Variants in NMNAT2 observed in about 807,000 individuals in gnomAD.
NMNAT2 encodes nicotinamide nucleotide adenylyltransferase 2.
NMNAT2 carries 11 observed loss-of-function variants against 41.6 expected under a neutral mutation model. The observed-to-expected ratio is 0.26, with a 90% CI of 0.17 to 0.44. The LOEUF (loss-of-function observed/expected upper bound fraction) is 0.44, where lower values mean the gene tolerates loss of function less well. Among genes scored for constraint, NMNAT2 ranks in the 20% least tolerant of loss-of-function variants. The pLI, the probability that NMNAT2 is intolerant of heterozygous loss-of-function variation, is 1.00. For synonymous variants in NMNAT2, 148 were observed against 151.2 expected (o/e 0.98, Z 0.16); for missense variants, 288 against 407.7 (o/e 0.71, Z 2.53).
At chr1:183,349,541 A>G (rs1389750672) in intron 1 of NMNAT2, among the ~76,000 whole-genome samples, 1 of 152,278 alleles carries the variant, frequency 6.6e-6, no homozygotes, top group Non-Finnish European at 1.5e-5. Flanking sequence ...TGCATTTTAC[A>G]GTCTGTTTAA....
At chr1:183,300,420 A>AG (rs1405109278) in intron 1 of NMNAT2, among the ~76,000 whole-genome samples, 1 of 151,034 alleles carries the variant, frequency 6.6e-6, no homozygotes, top group Non-Finnish European at 1.5e-5. Context: ...AAAAAAAGAA[A>AG]AAAAAAAAAA....
At chr1:183,297,036 C>T (rs889694300) in intron 1 of NMNAT2, among the ~76,000 whole-genome samples, 3 of 151,544 alleles carry the variant, frequency 2.0e-5, no homozygotes, top group African/African-American at 4.9e-5. Context: ...AACTTCTTTA[C>T]TCTCCCTGTC....
chr1:183,373,904 C>T (rs1282868499), intron 1 of NMNAT2, among the ~76,000 whole-genome samples: 3 of 152,202 alleles, frequency 2.0e-5, no homozygotes, highest in Non-Finnish European at 4.4e-5. Flanking sequence ...AGGCATGAGC[C>T]ACTGCGCCTG....
Position 183,251,831 on chromosome 1 carries a change from G to A in NMNAT2, c.*810C>T, listed in dbSNP as rs201395629. ...ACTCGTGTCCCAGGTTTCAGAACCC[G>A]AAAATCTCACTCCTGATCAAAGGTT... On this transcript the variant is annotated 3_prime_UTR_variant, in exon 11 of 11. Coordinates refer to ENST00000287713, the MANE Select transcript of NMNAT2 (RefSeq NM_015039.4). 53 of 158,620 alleles carry A rather than the reference G, an allele frequency of 3.3e-4. No individual in the cohort carries two copies. The highest frequency in any genetic ancestry group is 1.2e-3 in the African/African-American group (51 of 40,892). 9.8% of individuals were successfully genotyped at this position (158,620 alleles called of 1,614,324 possible). A position where few individuals can be genotyped will look rare whatever the true frequency, so the allele number is the denominator to read the frequency against.
At chr1:183,260,665 A>G (rs1057356005) in intron 10 of NMNAT2, among the ~76,000 whole-genome samples, 4 of 152,096 alleles carry the variant, frequency 2.6e-5, no homozygotes, top group Non-Finnish European at 4.4e-5. Flanking sequence ...CTAAAAATAC[A>G]AAAATTAGCT....
At chr1:183,255,050 A>G (rs80087370) in intron 10 of NMNAT2, among the ~76,000 whole-genome samples, 1 of 152,174 alleles carries the variant, frequency 6.6e-6, no homozygotes, top group Admixed American at 6.5e-5. Flanking sequence ...ACTGTTTCAG[A>G]TCTTACACTT....
intron 1 of NMNAT2, among the ~76,000 whole-genome samples, chr1:183,314,403 G>A (rs1470360928): frequency 1.3e-5 from 2 of 152,174 alleles, no homozygotes; most frequent in African/African-American, 2.4e-5. Flanking sequence ...CCTTCCACAA[G>A]TCCATACATG....
chr1:183,343,001 G>C (rs1238793776), intron 1 of NMNAT2, among the ~76,000 whole-genome samples: 1 of 151,978 alleles, frequency 6.6e-6, no homozygotes, highest in Admixed American at 6.6e-5. Context: ...ACCTCCCAAA[G>C]TGCTGGGATT....
chr1:183,375,067 G>C (rs888204222), intron 1 of NMNAT2, among the ~76,000 whole-genome samples: 5 of 152,028 alleles, frequency 3.3e-5, no homozygotes, highest in South Asian at 2.1e-4. Flanking sequence ...TTCAGGACTG[G>C]GGGCAGGAAG....
chr1:183,286,593 TA>T (rs1221480352), intron 5 of NMNAT2, 68 bp downstream of exon 5: 6 of 1,372,332 alleles, frequency 4.4e-6, no homozygotes, highest in African/African-American at 1.4e-5. Flanking sequence ...TGGATCCCAG[TA>T]GTCATTAATT....
chr1:183,256,665 A>G (rs1468616230), intron 10 of NMNAT2, among the ~76,000 whole-genome samples: 1 of 152,208 alleles, frequency 6.6e-6, no homozygotes, highest in East Asian at 1.9e-4. Context: ...ATCATCATGT[A>G]TAAGCTTCAT....
intron 8 of NMNAT2, among the ~76,000 whole-genome samples, chr1:183,269,841 C>A (rs967174966): frequency 5.3e-5 from 8 of 152,172 alleles, no homozygotes; most frequent in Non-Finnish European, 7.4e-5. Flanking sequence ...CACATCACAC[C>A]TCTTCTAGAT....
In NMNAT2 at chr1:183,292,252, A is replaced by T. The variant is rs147168289; in HGVS notation, c.242+538T>A. Among the ~76,000 whole-genome samples, 802 of 152,362 alleles carry T rather than the reference A, an allele frequency of 5.3e-3. 22 individuals carry two copies. The highest frequency in any genetic ancestry group is 0.04 in the Admixed American group (610 of 15,306). ...AGGTGGGTGGAGGTGCCTTCCTAGCAGCACGTCTGGCCAGAAAGGCAGTGA... is the reference window on the plus strand; with the variant it reads ...AGGTGGGTGGAGGTGCCTTCCTAGCTGCACGTCTGGCCAGAAAGGCAGTGA... On this transcript the variant is annotated intron_variant, in intron 3 of 10. Transcript: ENST00000287713.
chr1:183,389,989 C>A (rs1435838558), intron 1 of NMNAT2, among the ~76,000 whole-genome samples: 1 of 151,130 alleles, frequency 6.6e-6, no homozygotes, highest in Admixed American at 6.6e-5. Flanking sequence ...ACCCATGCAC[C>A]AAAGCTTTTA....
rs537174439 is a variant in NMNAT2, at chr1:183,270,032, C to T, written c.651+8521G>A. Among the ~76,000 whole-genome samples the T allele has an allele frequency of 5.3e-5, 8 of 152,204 alleles. No homozygotes were observed. The East Asian group carries it at 1.4e-3, about 26-fold the overall frequency. On this transcript the variant is annotated intron_variant, in intron 8 of 10. Transcript: ENST00000287713. Reference sequence around the variant, plus strand: ...CCAAGTAGCTGGGACTACAGGCACCCGCAACCACGCCCGGCTAATTTTTTT... The same window carrying T: ...CCAAGTAGCTGGGACTACAGGCACCTGCAACCACGCCCGGCTAATTTTTTT...
At chr1:183,413,436 G>A (rs1342200969) in intron 1 of NMNAT2, among the ~76,000 whole-genome samples, 2 of 152,160 alleles carry the variant, frequency 1.3e-5, no homozygotes, top group Non-Finnish European at 2.9e-5. Flanking sequence ...GAGCACGGTG[G>A]TGGCTGTGAG....
intron 1 of NMNAT2, among the ~76,000 whole-genome samples, chr1:183,391,034 T>A (rs1648467257): frequency 6.6e-6 from 1 of 152,208 alleles, no homozygotes; most frequent in Non-Finnish European, 1.5e-5. Flanking sequence ...GAAGGAGGGA[T>A]AGGGCCACCT....
In NMNAT2 at chr1:183,249,042, T is replaced by A. The variant is rs1284107089; in HGVS notation, c.*3599A>T. 1 of 152,104 alleles carries A rather than the reference T, an allele frequency of 6.6e-6. No homozygotes were observed. The highest frequency in any genetic ancestry group is 1.5e-5 in the Non-Finnish European group (1 of 68,024). The allele number at this position is 152,104 out of a possible 1,614,324, so 9.4% of individuals were successfully genotyped here. A position where few individuals can be genotyped will look rare whatever the true frequency, so the allele number is the denominator to read the frequency against. On this transcript the variant is annotated 3_prime_UTR_variant, in exon 11 of 11. Coordinates refer to ENST00000287713, the MANE Select transcript of NMNAT2 (RefSeq NM_015039.4). ...TATTGAGTCTCACTTTCTACTTAAT[T>A]TGAACAGCAAGTTCTTTAATTCTTT...
chr1:183,334,730 G>A (rs527886280), intron 1 of NMNAT2, among the ~76,000 whole-genome samples: 5 of 151,326 alleles, frequency 3.3e-5, no homozygotes, highest in Non-Finnish European at 7.4e-5. Context: ...GGCTGGTCTC[G>A]AACTCCTGAC....
Sources: allele counts gnomAD v4.1 joint callset (sites outside exome capture counted in the v4.1 genomes callset), GRCh38; gene constraint gnomAD v4.1.1; transcripts MANE v1.5; gene names NCBI Gene and HGNC (gene_info 2026-07-23, HGNC 2026-07-21).